ADAMTS19: variants seen among roughly 807,000 people sequenced by gnomAD.
ADAMTS19 encodes ADAM metallopeptidase with thrombospondin type 1 motif 19, also known as A disintegrin and metalloproteinase with thrombospondin motifs 19.
Under a neutral mutation model 153.3 loss-of-function variants are expected in ADAMTS19, and 93 were observed. The observed-to-expected ratio is 0.61, with a 90% CI of 0.51 to 0.72. The LOEUF (loss-of-function observed/expected upper bound fraction) is 0.72. Among genes scored for constraint, ADAMTS19 ranks in the 30% least tolerant of loss-of-function variants. ADAMTS19 has a pLI of 0.00. For synonymous variants in ADAMTS19, 600 were observed against 556.6 expected (o/e 1.08, Z -1.10); for missense variants, 1,482 against 1,552.1 (o/e 0.95, Z 0.76).
chr5:129,685,778 C>A (rs1016439495), intron 18 of ADAMTS19, among the ~76,000 whole-genome samples: 2 of 152,008 alleles, frequency 1.3e-5, no homozygotes, highest in African/African-American at 2.4e-5. Context: ...ACATTGTTTG[C>A]CAATGTGCAT....
At chr5:129,508,499 CAT>C (rs1379642901) in intron 2 of ADAMTS19, among the ~76,000 whole-genome samples, 6 of 152,094 alleles carry the variant, frequency 3.9e-5, no homozygotes, top group African/African-American at 1.4e-4. Flanking sequence ...ACTTTTAAAA[CAT>C]GTCACTATGT....
chr5:129,634,130 C>T (rs1202121488), intron 10 of ADAMTS19, among the ~76,000 whole-genome samples: 1 of 152,112 alleles, frequency 6.6e-6, no homozygotes. Context: ...TAACCTTGTG[C>T]CAGTGTTTTC....
chr5:129,627,899 TAA>T (rs143333219), intron 10 of ADAMTS19, among the ~76,000 whole-genome samples: 8 of 147,280 alleles, frequency 5.4e-5, no homozygotes, highest in African/African-American at 2.0e-4. Context: ...CTCAAAGAGC[TAA>T]AAAAAAAACT....
intron 7 of ADAMTS19, among the ~76,000 whole-genome samples, chr5:129,590,823 AT>A (rs1324728099): frequency 4.6e-5 from 7 of 152,206 alleles, no homozygotes; most frequent in African/African-American, 1.4e-4. Flanking sequence ...ATCATTCCAT[AT>A]TTTTTTCTCA....
At chr5:129,519,641 T>G in intron 3 of ADAMTS19, among the ~76,000 whole-genome samples, 1 of 115,742 alleles carries the variant, frequency 8.6e-6, no homozygotes, top group Admixed American at 8.9e-5. Flanking sequence ...CTATTCTCAT[T>G]TTATAGGAAA....
At chr5:129,551,821 A>T (rs373006184) in intron 6 of ADAMTS19, 43 bp from the exon 7 acceptor site, 67 of 1,332,606 alleles carry the variant, frequency 5.0e-5, no homozygotes, top group Non-Finnish European at 6.9e-5. Flanking sequence ...TTGTTTGTAC[A>T]AAATAATTTA....
chr5:129,714,652 C>T (rs1756642438), intron 21 of ADAMTS19, among the ~76,000 whole-genome samples: 1 of 152,086 alleles, frequency 6.6e-6, no homozygotes, highest in Non-Finnish European at 1.5e-5. Flanking sequence ...ATTGCGTTCA[C>T]GTATCTCTTT....
At chr5:129,562,399 C>G (rs1158324526) in intron 7 of ADAMTS19, among the ~76,000 whole-genome samples, 1 of 152,330 alleles carries the variant, frequency 6.6e-6, no homozygotes, top group South Asian at 2.1e-4. Flanking sequence ...AAATGACTGA[C>G]AGTGAAGTTG....
chr5:129,516,248 T>A (rs949445647), intron 3 of ADAMTS19, among the ~76,000 whole-genome samples: 1 of 151,312 alleles, frequency 6.6e-6, no homozygotes, highest in African/African-American at 2.4e-5. Flanking sequence ...GTAGTTTTTT[T>A]TTTAATTTAT....
chr5:129,537,616 G>C (rs1254472346), intron 6 of ADAMTS19, among the ~76,000 whole-genome samples: 1 of 152,106 alleles, frequency 6.6e-6, no homozygotes, highest in Non-Finnish European at 1.5e-5. Flanking sequence ...TTGAGTTCAT[G>C]TCCTTTGTAG....
chr5:129,555,567 A>G (rs182676811), intron 7 of ADAMTS19, among the ~76,000 whole-genome samples: 3 of 152,258 alleles, frequency 2.0e-5, no homozygotes, highest in Admixed American at 2.0e-4. Flanking sequence ...TGGATTCCTC[A>G]CCTTTAAAAT....
rs1486751343 is a variant in ADAMTS19, at chr5:129,733,936, AGTGTGTGCGTGTGT to A, written c.3313-988_3313-975del. Among the ~76,000 whole-genome samples the A allele has an allele frequency of 6.1e-4, 88 of 143,456 alleles. No homozygotes were observed. In the East Asian group the frequency reaches 7.0e-3, roughly 11 times the overall value. 94.1% of individuals were successfully genotyped at this position (143,456 alleles called of 152,430 possible). A position where few individuals can be genotyped will look rare whatever the true frequency, so the allele number is the denominator to read the frequency against. On this transcript the variant is annotated intron_variant, in intron 21 of 22. Transcript: ENST00000274487. ...CACCAACAGATAACTGGATAAAGCA[AGTGTGTGCGTGTGT>A]GTGTGTGTGTGTGTGTGTGTGTGTG...
intron 3 of ADAMTS19, among the ~76,000 whole-genome samples, chr5:129,522,295 G>T (rs1751838421): frequency 8.5e-6 from 1 of 117,332 alleles, no homozygotes; most frequent in South Asian, 2.8e-4. Context: ...GTATGTGTGT[G>T]TGTGTATATA....
chr5:129,714,398 C>CCTG (rs1404672488), intron 21 of ADAMTS19, among the ~76,000 whole-genome samples: 3 of 140,576 alleles, frequency 2.1e-5, no homozygotes, highest in Non-Finnish European at 3.0e-5. Context: ...CGCAGTCCGG[C>CCTG]CTGGGCGACA....
At chr5:129,548,471 A>T (rs535092139) in intron 6 of ADAMTS19, among the ~76,000 whole-genome samples, 1 of 152,116 alleles carries the variant, frequency 6.6e-6, no homozygotes, top group Non-Finnish European at 1.5e-5. Flanking sequence ...CAAAACCACA[A>T]TGAGATACCA....
chr5:129,643,557 A>G (rs77178737), intron 11 of ADAMTS19, among the ~76,000 whole-genome samples: 3 of 152,022 alleles, frequency 2.0e-5, no homozygotes, highest in Non-Finnish European at 4.4e-5. Flanking sequence ...GCATGCAGTG[A>G]TTTATTACTT....
intron 6 of ADAMTS19, among the ~76,000 whole-genome samples, chr5:129,540,432 T>C (rs1333560140): frequency 6.6e-6 from 1 of 152,114 alleles, no homozygotes; most frequent in Admixed American, 6.6e-5. Flanking sequence ...GATTTCTTAG[T>C]GCAATTTTCA....
intron 10 of ADAMTS19, among the ~76,000 whole-genome samples, chr5:129,623,783 T>G (rs1751892125): frequency 1.3e-5 from 2 of 151,818 alleles, no homozygotes; most frequent in South Asian, 4.2e-4. Context: ...AGAATTAAAA[T>G]GAGTGAATGT....
At chr5:129,730,063 T>G (rs1228509661) in intron 21 of ADAMTS19, among the ~76,000 whole-genome samples, 4 of 152,124 alleles carry the variant, frequency 2.6e-5, no homozygotes, top group Non-Finnish European at 5.9e-5. Context: ...GTAATATTAA[T>G]CCCTTAAAAG....
Sources: gnomAD v4.1 joint callset for allele counts (sites outside exome capture counted in the v4.1 genomes callset) on GRCh38, gnomAD v4.1.1 for gene constraint, MANE v1.5 for transcripts, NCBI Gene and HGNC (gene_info 2026-07-23, HGNC 2026-07-21) for gene names.